Variants in CHD5 observed in about 807,000 individuals in gnomAD.
The protein encoded by CHD5 is ATP-dependent chromatin remodeler CHD5.
Under a neutral mutation model 230.3 loss-of-function variants are expected in CHD5, and 69 were observed. The observed-to-expected ratio is 0.30, with a 90% CI of 0.25 to 0.37. The LOEUF (loss-of-function observed/expected upper bound fraction) is 0.37, where lower values mean the gene tolerates loss of function less well. Among genes scored for constraint, CHD5 ranks in the 10% least tolerant of loss-of-function variants. The pLI, the probability that CHD5 is intolerant of heterozygous loss-of-function variation, is 1.00. For synonymous variants in CHD5, 1,064 were observed against 1,065.9 expected (o/e 1.00, Z 0.03); for missense variants, 1,827 against 2,622.8 (o/e 0.70, Z 6.63).
chr1:6,105,475 G>A lies in CHD5; in HGVS notation c.*47-48C>T. On this transcript the variant is annotated intron_variant, in intron 41 of 41. Coordinates refer to ENST00000262450, the MANE Select transcript of CHD5 (RefSeq NM_015557.3). This position sits in a 1 kb window ranked among gnomAD's most constrained non-coding sequence, Gnocchi z 4.8. ...TTAAGCAGGTGGGCAGTTATAGGGG[G>A]CATCAGGGTGGCACCCAACAGCCTG... is the stretch of plus-strand genomic sequence containing the variant. 1 of 460,376 alleles carries A rather than the reference G, an allele frequency of 2.2e-6. No individual in the cohort carries two copies. Among genetic ancestry groups the A allele is most frequent in the Non-Finnish European group, 4.5e-6 (1 of 222,928 alleles). The allele number at this position is 460,376 out of a possible 1,614,324, so 28.5% of individuals were successfully genotyped here.
rs1355603253 is a variant in CHD5, at chr1:6,129,723, C to T, written c.3387+481G>A. Among the ~76,000 whole-genome samples the T allele has an allele frequency of 6.6e-6, 1 of 152,112 alleles. No individual in the cohort carries two copies. Among genetic ancestry groups the T allele is most frequent in the African/African-American group, 2.4e-5 (1 of 41,408 alleles). On this transcript the variant is annotated intron_variant, in intron 22 of 41. Transcript: ENST00000262450. This position sits in a 1 kb window ranked among gnomAD's most constrained non-coding sequence, Gnocchi z 6.8. The stretch of plus-strand genomic sequence containing the variant: ...CAGGTACACTAGGGTGGCTCTATTC[C>T]CATACCCCTCCCCCCACAGCCCTTC...
At chr1:6,144,840 G>A (rs1054254342) in intron 11 of CHD5, among the ~76,000 whole-genome samples, 3 of 152,206 alleles carry the variant, frequency 2.0e-5, no homozygotes, top group South Asian at 2.1e-4. Context: ...CGGCTGCTGC[G>A]GGCCTGGGAA....
chr1:6,110,559 C>CA (rs1180414046), intron 36 of CHD5, 33 bp from the exon 37 acceptor site: 1 of 1,451,188 alleles, frequency 6.9e-7, no homozygotes, highest in African/African-American at 1.4e-5. Flanking sequence ...CAAACCTGGC[C>CA]GTTAGAAGTG....
rs936015593 is a variant in CHD5 at position 6,127,917 on chromosome 1, C to T, written c.3903+129G>A. On this transcript the variant is annotated intron_variant, in intron 25 of 41. Transcript: ENST00000262450. ...GGAGGGCGGGGCTGCGGCTGGAGGG[C>T]GGGGTCACAGCTTGGAGGGCTGGCT... 35 of 739,544 alleles carry T rather than the reference C, an allele frequency of 4.7e-5. No individual in the cohort carries two copies. In the African/African-American group the frequency reaches 6.8e-4, roughly 14 times the overall value. 45.8% of individuals were successfully genotyped at this position (739,544 alleles called of 1,614,324 possible).
chr1:6,173,829 G>A (rs141889468), intron 1 of CHD5, among the ~76,000 whole-genome samples: 5 of 152,130 alleles, frequency 3.3e-5, no homozygotes, highest in African/African-American at 4.8e-5. Flanking sequence ...GTTAGTCCTC[G>A]AACCTCCCCC....
At position 6,149,022 on chromosome 1, in the gene CHD5, C is replaced by T. The variant is rs536846731; in HGVS notation, c.1215G>A (p.Glu405=). The change falls in exon 9 of 42, where the codon GAG becomes GAA. Residue 405 remains glutamate, a synonymous_variant. Transcript: ENST00000262450. The part of the protein sequence containing the change: ...EPKDDDDEEE[E]GGCEEEEDDH... ...CGTCCTCCTCCTCCTCGCAGCCGCCCTCCTCCTCTTCATCGTCGTCGTCCT... is the reference window on the plus strand; with the variant it reads ...CGTCCTCCTCCTCCTCGCAGCCGCCTTCCTCCTCTTCATCGTCGTCGTCCT... 3 of 1,601,312 alleles carry T rather than the reference C, an allele frequency of 1.9e-6. No individual in the cohort carries two copies. The highest frequency in any genetic ancestry group is 4.5e-5 in the East Asian group (2 of 44,134).
In CHD5 at chr1:6,134,631, CAGCGGCCACAGGGACCTACCAT is replaced by C; in HGVS notation, c.3012+65_3012+86del. ...CCACAATGGCCAGGAGAACCTATCA[CAGCGGCCACAGGGACCTACCAT>C]GGCGGCCACAGGCACCTACCATGGC... On this transcript the variant is annotated intron_variant, in intron 19 of 41. Transcript: ENST00000262450. This position sits in a 1 kb window ranked among gnomAD's most constrained non-coding sequence, Gnocchi z 6.3. 1 of 1,362,812 alleles carries C rather than the reference CAGCGGCCACAGGGACCTACCAT, an allele frequency of 7.3e-7. No homozygotes were observed. The highest frequency in any genetic ancestry group is 1.0e-6 in the Non-Finnish European group (1 of 957,842). The allele number at this position is 1,362,812 out of a possible 1,614,324, so 84.4% of individuals were successfully genotyped here. A position where few individuals can be genotyped will look rare whatever the true frequency, so the allele number is the denominator to read the frequency against.
Position 6,128,322 on chromosome 1 carries a change from G to A in CHD5, c.3731-104C>T, listed in dbSNP as rs1486925690. 4 of 1,258,124 alleles carry A rather than the reference G, an allele frequency of 3.2e-6. No homozygotes were observed. Among genetic ancestry groups the A allele is most frequent in the Non-Finnish European group, 4.5e-6 (4 of 891,616 alleles). 77.9% of individuals were successfully genotyped at this position (1,258,124 alleles called of 1,614,324 possible). ...AATGGCCCTTCCCATCCCCAGCAGG[G>A]GCTGCAGCTGAGAGGCATGGTGACC... On this transcript the variant is annotated intron_variant, in intron 24 of 41. Transcript: ENST00000262450. This position sits in a 1 kb window ranked among gnomAD's most constrained non-coding sequence, Gnocchi z 7.8.
chr1:6,125,652 A>T lies in CHD5; in HGVS notation c.4172-40T>A, dbSNP rs1387132411. ...GCCACAGTTCCTCAGGTGGGAGCCC[A>T]GAGATTCCTGATCCCCAAGGACAGC... On this transcript the variant is annotated intron_variant, in intron 27 of 41. Transcript: ENST00000262450. This position sits in a 1 kb window ranked among gnomAD's most constrained non-coding sequence, Gnocchi z 6.7. The T allele has an allele frequency of 4.3e-6, 7 of 1,611,376 alleles. No homozygotes were observed. Among genetic ancestry groups the T allele is most frequent in the Non-Finnish European group, 5.9e-6 (7 of 1,177,612 alleles).
chr1:6,127,562 T>C (rs952587122), intron 25 of CHD5, among the ~76,000 whole-genome samples: 1 of 151,380 alleles, frequency 6.6e-6, no homozygotes, highest in African/African-American at 2.4e-5. Flanking sequence ...ATGCAGGCCC[T>C]GAGGAAGGGG....
chr1:6,143,295 A>C (rs1480416793), intron 13 of CHD5, among the ~76,000 whole-genome samples: 1 of 152,046 alleles, frequency 6.6e-6, no homozygotes, highest in African/African-American at 2.4e-5. Flanking sequence ...GGCCTCCCAC[A>C]GTGCTGGGAT....
intron 38 of CHD5, 46 bp from the exon 39 acceptor site, chr1:6,106,825 T>C (rs1421811246): frequency 2.6e-6 from 3 of 1,167,090 alleles, no homozygotes; most frequent in South Asian, 3.8e-5. Flanking sequence ...GATGGAGGGG[T>C]GGAGGGATGG....
chr1:6,160,550 G>A (rs974595648), intron 2 of CHD5, among the ~76,000 whole-genome samples: 4 of 152,042 alleles, frequency 2.6e-5, no homozygotes, highest in Non-Finnish European at 2.9e-5. Flanking sequence ...AGGCCCCAGC[G>A]CCACAGCTCT....
At chr1:6,136,385 C>A in intron 17 of CHD5, 132 bp downstream of exon 17, 1 of 1,064,384 alleles carries the variant, frequency 9.4e-7, no homozygotes, top group South Asian at 1.5e-5. Context: ...GGGGACATTG[C>A]TAATGCTCCC....
At position 6,105,421 on chromosome 1, in the gene CHD5, G is replaced by A. The variant is rs1666146555; in HGVS notation, c.*53C>T. The A allele has an allele frequency of 2.1e-6, 1 of 470,564 alleles. No individual in the cohort carries two copies. Among genetic ancestry groups the A allele is most frequent in the African/African-American group, 2.0e-5 (1 of 50,090 alleles). The allele number at this position is 470,564 out of a possible 1,614,324, so 29.1% of individuals were successfully genotyped here. On this transcript the variant is annotated 3_prime_UTR_variant, in exon 42 of 42. Transcript: ENST00000262450. The surrounding 1 kb of genome is among the most constrained non-coding windows in gnomAD (Gnocchi z 4.8). ...TGTGGGTCGGGCAGGTGGCCCGGCA[G>A]GCGTGGCTGCAAAACGCAAATCAGT...
At chr1:6,117,687 T>C (rs989114067) in intron 33 of CHD5, among the ~76,000 whole-genome samples, 1 of 152,162 alleles carries the variant, frequency 6.6e-6, no homozygotes, top group Non-Finnish European at 1.5e-5. Context: ...CATGAAAAAA[T>C]ATTCAACATC....
chr1:6,150,431 AGGATGGATGGATGGAT>A (rs74209532), intron 7 of CHD5, among the ~76,000 whole-genome samples: 236 of 131,894 alleles, frequency 1.8e-3, no homozygotes, highest in Non-Finnish European at 3.0e-3. Context: ...GATGGATGAT[AGGATGGATGGATGGAT>A]GGATGGATGG....
At chr1:6,141,686 A>G (rs1252574974) in intron 15 of CHD5, among the ~76,000 whole-genome samples, 1 of 152,202 alleles carries the variant, frequency 6.6e-6, no homozygotes, top group Non-Finnish European at 1.5e-5. Context: ...TACATCCAGT[A>G]TGAATGATGT....
At chr1:6,127,990 G>T in intron 25 of CHD5, 56 bp downstream of exon 25, 3 of 1,425,164 alleles carry the variant, frequency 2.1e-6, no homozygotes, top group Non-Finnish European at 2.8e-6. Context: ...ACAGTGGGGG[G>T]CGGGGCTGCG....
Sources: allele counts gnomAD v4.1 joint callset (sites outside exome capture counted in the v4.1 genomes callset), GRCh38; gene constraint gnomAD v4.1.1; non-coding constraint Gnocchi (gnomAD v3.1); transcripts MANE v1.5; gene names NCBI Gene and HGNC (gene_info 2026-07-23, HGNC 2026-07-21).